PDGFC: variants seen among roughly 807,000 people sequenced by gnomAD.
The protein encoded by PDGFC is platelet-derived growth factor C.
A neutral mutation model predicts 35.5 loss-of-function variants in PDGFC; 12 were observed. The observed-to-expected ratio is 0.34, with a 90% CI of 0.22 to 0.55. PDGFC has a LOEUF of 0.55. Among genes scored for constraint, PDGFC ranks in the 20% least tolerant of loss-of-function variants. PDGFC has a pLI of 0.91. For synonymous variants in PDGFC, 159 were observed against 148.8 expected, an observed-to-expected ratio of 1.07 and a Z score of -0.50; for missense variants, 322 against 412.4, an observed-to-expected ratio of 0.78 and a Z score of 1.90.
intron 1 of PDGFC, among the ~76,000 whole-genome samples, chr4:156,930,547 C>G (rs751045213): frequency 1.8e-4 from 27 of 152,182 alleles, no homozygotes; most frequent in Non-Finnish European, 3.7e-4. Context: ...AAAGTTAAGA[C>G]TCCTTATACT....
chr4:156,825,852 G>A (rs1057042487), intron 2 of PDGFC, among the ~76,000 whole-genome samples: 9 of 150,082 alleles, frequency 6.0e-5, no homozygotes, highest in African/African-American at 2.0e-4. Context: ...GAACATGTTA[G>A]TATGATTATG....
At chr4:156,903,225 C>T (rs1027422747) in intron 1 of PDGFC, among the ~76,000 whole-genome samples, 1 of 151,412 alleles carries the variant, frequency 6.6e-6, no homozygotes, top group African/African-American at 2.4e-5. Context: ...AACTTACATA[C>T]AAATACAGAG....
At chr4:156,947,502 G>T (rs1268983795) in intron 1 of PDGFC, among the ~76,000 whole-genome samples, 1 of 151,974 alleles carries the variant, frequency 6.6e-6, no homozygotes, top group Admixed American at 6.6e-5. Flanking sequence ...AGGACAACAA[G>T]AAAAACTGAA....
chr4:156,860,555 G>A (rs116535640), intron 1 of PDGFC, among the ~76,000 whole-genome samples: 46 of 151,988 alleles, frequency 3.0e-4, no homozygotes, highest in African/African-American at 8.4e-4. Flanking sequence ...CACCTGACAC[G>A]GGGCGCGGAG....
intron 4 of PDGFC, among the ~76,000 whole-genome samples, chr4:156,770,012 T>A (rs1412817367): frequency 6.6e-6 from 1 of 152,050 alleles, no homozygotes; most frequent in Admixed American, 6.6e-5. Flanking sequence ...GTTTTAAATA[T>A]GCTATTTCAT....
chr4:156,962,579 G>A (rs1158784498), intron 1 of PDGFC, among the ~76,000 whole-genome samples: 1 of 152,150 alleles, frequency 6.6e-6, no homozygotes, highest in Non-Finnish European at 1.5e-5. Flanking sequence ...CTAGGGCAAA[G>A]CTTAGCAAAG....
At chr4:156,935,059 G>T (rs1209465046) in intron 1 of PDGFC, among the ~76,000 whole-genome samples, 1 of 152,118 alleles carries the variant, frequency 6.6e-6, no homozygotes, top group East Asian at 1.9e-4. Context: ...GCAGTGGCAT[G>T]ATCTCGGCTC....
At chr4:156,966,374 G>A (rs1732466935) in intron 1 of PDGFC, among the ~76,000 whole-genome samples, 1 of 151,952 alleles carries the variant, frequency 6.6e-6, no homozygotes, top group Admixed American at 6.5e-5. Flanking sequence ...AGTAAATGAA[G>A]GGACTTTATG....
chr4:156,827,210 G>C (rs1010618053), intron 2 of PDGFC, among the ~76,000 whole-genome samples: 2 of 152,152 alleles, frequency 1.3e-5, no homozygotes, highest in Admixed American at 1.3e-4. Context: ...GAGGTCAGGA[G>C]ATTGAGACCA....
chr4:156,842,602 C>T (rs1363391802), intron 2 of PDGFC, among the ~76,000 whole-genome samples: 1 of 152,100 alleles, frequency 6.6e-6, no homozygotes, highest in East Asian at 1.9e-4. Context: ...CTTCTGATAG[C>T]CTAAAAAGGG....
At chr4:156,796,524 G>T (rs1731447101) in intron 3 of PDGFC, among the ~76,000 whole-genome samples, 2 of 137,306 alleles carry the variant, frequency 1.5e-5, no homozygotes, top group African/African-American at 2.7e-5. Flanking sequence ...TTTACAAAAG[G>T]TGTCAATTTA....
At chr4:156,803,060 T>C (rs888040471) in intron 3 of PDGFC, among the ~76,000 whole-genome samples, 3 of 152,144 alleles carry the variant, frequency 2.0e-5, no homozygotes, top group African/African-American at 4.8e-5. Context: ...CTCAGGATGA[T>C]GGCAGAAGGA....
At chr4:156,928,888 T>C (rs1731482930) in intron 1 of PDGFC, among the ~76,000 whole-genome samples, 1 of 152,204 alleles carries the variant, frequency 6.6e-6, no homozygotes. Flanking sequence ...CTCTATGATG[T>C]TGGTTCTTAA....
intron 2 of PDGFC, among the ~76,000 whole-genome samples, chr4:156,834,867 C>T (rs149052616): frequency 6.6e-6 from 1 of 151,982 alleles, no homozygotes; most frequent in East Asian, 1.9e-4. Flanking sequence ...ATAGTGGGTT[C>T]CACTGCAATG....
At chr4:156,780,044 G>T (rs780513956) in intron 3 of PDGFC, among the ~76,000 whole-genome samples, 31 of 149,754 alleles carry the variant, frequency 2.1e-4, no homozygotes, top group Non-Finnish European at 3.7e-4. Flanking sequence ...TCCATGGGAT[G>T]ACTAAATAAC....
intron 1 of PDGFC, among the ~76,000 whole-genome samples, chr4:156,961,347 T>C (rs1438235229): frequency 6.6e-6 from 1 of 152,102 alleles, no homozygotes; most frequent in African/African-American, 2.4e-5. Flanking sequence ...ACTTCTGTTG[T>C]TAATGGTTTC....
rs537701297 is a variant in PDGFC at position 156,956,461 on chromosome 4, A to G, written c.118+14325T>C. On this transcript the variant is annotated intron_variant, in intron 1 of 5. Transcript: ENST00000502773. ...GTATATTACAGTTTATGAAGCACCA[A>G]TCCAAGCTTGACTAGAGTAGACACA... Among the ~76,000 whole-genome samples the G allele has an allele frequency of 1.4e-4, 22 of 152,200 alleles. 1 individual carries two copies. The South Asian group carries it at 4.4e-3, about 30-fold the overall frequency.
At chr4:156,915,872 A>G (rs1488648013) in intron 1 of PDGFC, among the ~76,000 whole-genome samples, 1 of 152,096 alleles carries the variant, frequency 6.6e-6, no homozygotes, top group Non-Finnish European at 1.5e-5. Flanking sequence ...CTTGATCCCC[A>G]AAGAATAGAA....
chr4:156,927,499 G>C (rs1731442903), intron 1 of PDGFC, among the ~76,000 whole-genome samples: 1 of 152,068 alleles, frequency 6.6e-6, no homozygotes, highest in Non-Finnish European at 1.5e-5. Flanking sequence ...TTGCTGCTTA[G>C]AAATTTCTTC....
Sources: gnomAD v4.1 joint callset for allele counts (sites outside exome capture counted in the v4.1 genomes callset) on GRCh38, gnomAD v4.1.1 for gene constraint, MANE v1.5 for transcripts, NCBI Gene and HGNC (gene_info 2026-07-23, HGNC 2026-07-21) for gene names.